The following TM4SF4 variants were observed in gnomAD, a reference collection of about 807,000 sequenced individuals.
The protein encoded by TM4SF4 is transmembrane 4 L six family member 4.
Under a neutral mutation model 24.1 loss-of-function variants are expected in TM4SF4, and 24 were observed. The ratio of observed to expected loss-of-function variants is 1.00; its 90% CI spans 0.72 to 1.40. TM4SF4 has a LOEUF of 1.40. TM4SF4 is among the 40% of genes most tolerant of loss of function. TM4SF4 has a pLI of 0.00. For missense variants in TM4SF4, 254 were observed against 254.2 expected (o/e 1.00, Z 0.01); for synonymous variants, 113 against 97.0 (o/e 1.17, Z -0.97).
chr3:149,495,048 T>A, intron 3 of TM4SF4: 1 of 244,508 alleles, frequency 4.1e-6, no homozygotes, highest in Non-Finnish European at 8.2e-6. Flanking sequence ...CCCATGAACA[T>A]GCCCTTCGTG....
Position 149,488,348 on chromosome 3 carries a change from A to G in TM4SF4, c.401+593A>G, listed in dbSNP as rs117935681. ...CACAAATTTATAATTTAATCTTCATAGTAACCTCAAGAGGTAATTACTCTG... is the reference window on the plus strand; with the variant it reads ...CACAAATTTATAATTTAATCTTCATGGTAACCTCAAGAGGTAATTACTCTG... On this transcript the variant is annotated intron_variant, in intron 3 of 4. Coordinates refer to ENST00000305354, the MANE Select transcript of TM4SF4 (RefSeq NM_004617.4). 1.2e-4 allele frequency among the ~76,000 whole-genome samples: 18 copies of G among 152,368 alleles called. No homozygotes were observed. The East Asian group carries it at 3.3e-3, about 28-fold the overall frequency.
intron 3 of TM4SF4, among the ~76,000 whole-genome samples, chr3:149,488,130 A>G (rs570695948): frequency 6.6e-6 from 1 of 152,328 alleles, no homozygotes; most frequent in South Asian, 2.1e-4. Context: ...AAACAAGAAT[A>G]ATTAACCACT....
intron 3 of TM4SF4, among the ~76,000 whole-genome samples, chr3:149,497,085 G>A (rs1054135590): frequency 2.0e-5 from 3 of 152,180 alleles, no homozygotes; most frequent in African/African-American, 7.2e-5. Context: ...GCTAGTAAGG[G>A]GAATGCTTGG....
intron 2 of TM4SF4, among the ~76,000 whole-genome samples, chr3:149,480,637 T>C (rs192352237): frequency 4.6e-5 from 7 of 152,268 alleles, no homozygotes; most frequent in Admixed American, 4.6e-4. Flanking sequence ...GGACTCCCTC[T>C]TGCAGAGGTC....
intron 4 of TM4SF4, 147 bp downstream of exon 4, chr3:149,499,058 G>A (rs185480063): frequency 4.1e-6 from 3 of 723,562 alleles, no homozygotes; most frequent in East Asian, 5.3e-5. Context: ...AGGTTGGGAA[G>A]CCCAGTCAGC....
intron 3 of TM4SF4, among the ~76,000 whole-genome samples, chr3:149,489,826 G>T (rs1229470942): frequency 1.3e-5 from 2 of 152,006 alleles, no homozygotes; most frequent in Non-Finnish European, 2.9e-5. Context: ...ATAAAGATTT[G>T]ATAATAAAAA....
chr3:149,479,021 C>G (rs1299717305), intron 2 of TM4SF4, among the ~76,000 whole-genome samples: 2 of 152,226 alleles, frequency 1.3e-5, no homozygotes, highest in African/African-American at 4.8e-5. Flanking sequence ...CCTGCCTTAA[C>G]CTCCCAAAGT....
chr3:149,484,821 G>C (rs1291389394), intron 2 of TM4SF4, among the ~76,000 whole-genome samples: 1 of 152,070 alleles, frequency 6.6e-6, no homozygotes, highest in East Asian at 1.9e-4. Context: ...CAAAGTGCTG[G>C]GATTACAGTC....
rs762075002 is a variant in TM4SF4 at position 149,475,873 on chromosome 3, T to G, written c.225T>G (p.Cys75Trp). 2 of 1,613,200 alleles carry G rather than the reference T, an allele frequency of 1.2e-6. No homozygotes were observed. The highest frequency in any genetic ancestry group is 3.3e-5 in the Admixed American group (2 of 59,928). ...VFLGLKNNDC[C>W]GCCGNEGCGK... ...TGGGCCTGAAGAACAATGACTGCTG[T>G]GGGTGCTGCGGCAACGAGGGCTGTG... is the stretch of plus-strand genomic sequence containing the variant. Residue 75 changes from cysteine (C) to tryptophan (W), a missense_variant, in exon 2 of 5, where the codon TGT becomes TGG. Coordinates refer to ENST00000305354, the MANE Select transcript of TM4SF4 (RefSeq NM_004617.4).
intron 3 of TM4SF4, among the ~76,000 whole-genome samples, chr3:149,494,441 C>A (rs1734275391): frequency 6.6e-6 from 1 of 152,192 alleles, no homozygotes; most frequent in Non-Finnish European, 1.5e-5. Context: ...ATTCTTTCAC[C>A]TCAGGATCTT....
intron 2 of TM4SF4, among the ~76,000 whole-genome samples, chr3:149,483,234 G>A (rs1320468443): frequency 3.3e-5 from 5 of 152,184 alleles, no homozygotes; most frequent in Non-Finnish European, 7.3e-5. Context: ...AGTTATACTA[G>A]CTGTATCTAA....
chr3:149,501,036 A>AAAAC (rs556085775), intron 4 of TM4SF4, among the ~76,000 whole-genome samples: 1 of 148,608 alleles, frequency 6.7e-6, no homozygotes, highest in South Asian at 2.1e-4. Context: ...AAAAAAAAAA[A>AAAAC]AGAGAGAGAG....
intron 4 of TM4SF4, among the ~76,000 whole-genome samples, chr3:149,500,428 G>A (rs1734396452): frequency 1.3e-5 from 2 of 152,088 alleles, no homozygotes; most frequent in African/African-American, 4.8e-5. Context: ...TAAAATGTGT[G>A]TATTACAAAT....
At chr3:149,491,816 A>T (rs1253907062) in intron 3 of TM4SF4, among the ~76,000 whole-genome samples, 1 of 152,168 alleles carries the variant, frequency 6.6e-6, no homozygotes, top group Admixed American at 6.5e-5. Context: ...TTTGCCTTCC[A>T]GTGAGGAAGG....
intron 2 of TM4SF4, among the ~76,000 whole-genome samples, chr3:149,484,082 G>A (rs1018542340): frequency 3.9e-5 from 6 of 151,960 alleles, no homozygotes; most frequent in African/African-American, 1.5e-4. Flanking sequence ...TGCCGGGCCC[G>A]TTTATTTTAA....
chr3:149,485,815 C>CA (rs1003064423), intron 2 of TM4SF4, among the ~76,000 whole-genome samples: 2 of 151,784 alleles, frequency 1.3e-5, no homozygotes, highest in East Asian at 1.9e-4. Context: ...AAAACAAAAA[C>CA]AAAAAAACCT....
intron 3 of TM4SF4, among the ~76,000 whole-genome samples, chr3:149,493,991 G>A (rs1244666322): frequency 6.6e-6 from 1 of 152,182 alleles, no homozygotes; most frequent in East Asian, 1.9e-4. Context: ...CCACTTTGAT[G>A]GGATTACTAC....
intron 1 of TM4SF4, 137 bp from the exon 2 acceptor site, chr3:149,475,686 G>A (rs779586029): frequency 2.9e-6 from 2 of 700,252 alleles, no homozygotes; most frequent in Non-Finnish European, 5.0e-6. Context: ...TACCCCTCCA[G>A]CCATGCTCTG....
At chr3:149,478,477 TA>T (rs893198770) in intron 2 of TM4SF4, among the ~76,000 whole-genome samples, 4 of 152,132 alleles carry the variant, frequency 2.6e-5, no homozygotes, top group African/African-American at 9.7e-5. Context: ...CACATTTCAT[TA>T]AAAAAAATTT....
Sources: allele counts gnomAD v4.1 joint callset (sites outside exome capture counted in the v4.1 genomes callset), GRCh38; gene constraint gnomAD v4.1.1; transcripts MANE v1.5; gene names NCBI Gene and HGNC (gene_info 2026-07-23, HGNC 2026-07-21).